WNK2: variants seen among roughly 807,000 people sequenced by gnomAD.
WNK2 encodes the protein WNK lysine deficient protein kinase 2.
WNK2 carries 67 observed loss-of-function variants against 192.1 expected under a neutral mutation model. That is an observed-to-expected ratio of 0.35 (90% CI 0.29 to 0.43). The LOEUF is 0.43. Among genes scored for constraint, WNK2 ranks in the 20% least tolerant of loss-of-function variants. The pLI is 1.00. For synonymous variants in WNK2, 1,439 were observed against 1,393.9 expected (o/e 1.03, Z -0.72); for missense variants, 2,698 against 3,089.7 (o/e 0.87, Z 3.01).
chr9:93,279,359 T>C (rs1049930844), intron 19 of WNK2, among the ~76,000 whole-genome samples: 1 of 152,252 alleles, frequency 6.6e-6, no homozygotes, highest in African/African-American at 2.4e-5. Context: ...GTATGGATTA[T>C]TTAGGGTTAA....
chr9:93,275,524 G>T (rs1846706274), intron 19 of WNK2, among the ~76,000 whole-genome samples: 1 of 152,154 alleles, frequency 6.6e-6, no homozygotes, highest in Non-Finnish European at 1.5e-5. Context: ...TAGACCAAAT[G>T]TGTTCTCCCT....
At chr9:93,219,408 G>A (rs1211118396) in intron 2 of WNK2, among the ~76,000 whole-genome samples, 3 of 152,256 alleles carry the variant, frequency 2.0e-5, no homozygotes, top group Non-Finnish European at 4.4e-5. Flanking sequence ...TCTGACCACA[G>A]TAGGGATACC....
At chr9:93,236,567 A>G in intron 5 of WNK2, among the ~76,000 whole-genome samples, 1 of 152,214 alleles carries the variant, frequency 6.6e-6, no homozygotes, top group East Asian at 1.9e-4. Context: ...CTCCACTTCC[A>G]ACACAAAACA....
intron 8 of WNK2, among the ~76,000 whole-genome samples, chr9:93,250,323 AC>A (rs1252298327): frequency 1.3e-5 from 2 of 152,104 alleles, no homozygotes; most frequent in African/African-American, 2.4e-5. Flanking sequence ...ACATGTGAAC[AC>A]CCCCACAAAT....
chr9:93,186,091 G>A (rs1829274938), intron 2 of WNK2, among the ~76,000 whole-genome samples: 1 of 150,046 alleles, frequency 6.7e-6, no homozygotes, highest in African/African-American at 2.5e-5. Flanking sequence ...ACTTTCCTGT[G>A]TCCAGCAAGC....
chr9:93,259,467 A>T lies in WNK2; in HGVS notation c.2919A>T (p.Thr973=). 1 of 1,020,922 alleles carries T rather than the reference A, an allele frequency of 9.8e-7. No homozygotes were observed. Among genetic ancestry groups the T allele is most frequent in the Non-Finnish European group, 1.3e-6 (1 of 790,472 alleles). The allele number at this position is 1,020,922 out of a possible 1,614,324, so 63.2% of individuals were successfully genotyped here. Residue 973 remains threonine (T), a synonymous_variant, in exon 12 of 30, where the codon ACA becomes ACT. Coordinates refer to ENST00000427277, the MANE Select transcript of WNK2 (RefSeq NM_006648.4). The surrounding 1 kb of genome is among the most constrained non-coding windows in gnomAD (Gnocchi z 4.8). ...PPQPVLPPQP[T]RPPQPVLPPQ... is the part of the protein sequence containing the mutation. ...AACCTGTGTTGCCCCCGCAACCCAC[A>T]CGGCCCCCTCAACCTGTGCTGCCCC...
chr9:93,228,363 G>A (rs887404611), intron 2 of WNK2, among the ~76,000 whole-genome samples: 27 of 152,130 alleles, frequency 1.8e-4, no homozygotes, highest in African/African-American at 6.0e-4. Flanking sequence ...GGGCCTTTCC[G>A]GAAGGATCCA....
At chr9:93,190,038 A>T (rs1244885036) in intron 2 of WNK2, among the ~76,000 whole-genome samples, 1 of 152,160 alleles carries the variant, frequency 6.6e-6, no homozygotes, top group East Asian at 1.9e-4. Flanking sequence ...TGAAGTGCTT[A>T]ATTTTATTGG....
intron 23 of WNK2, among the ~76,000 whole-genome samples, chr9:93,293,376 G>A (rs1420552929): frequency 6.6e-6 from 1 of 150,698 alleles, no homozygotes; most frequent in Non-Finnish European, 1.5e-5. Context: ...CTGGAGTGCA[G>A]TGGTGCAATC....
In WNK2 at chr9:93,289,344, C is replaced by G; in HGVS notation, c.4590C>G (p.Ala1530=). The part of the protein sequence containing the change: ...GPTVPPQPPS[A]LESDGEGPPP... ...CCGTCCCCCCACAGCCACCCTCGGCCCTGGAGTCGGATGGGGAAGGGCCGC... is the reference window on the plus strand; with the variant it reads ...CCGTCCCCCCACAGCCACCCTCGGCGCTGGAGTCGGATGGGGAAGGGCCGC... Residue 1530 remains alanine (A), a synonymous_variant, in exon 20 of 30, where the codon GCC becomes GCG. Coordinates refer to ENST00000427277, the MANE Select transcript of WNK2 (RefSeq NM_006648.4). The G allele has an allele frequency of 3.1e-6, 5 of 1,608,858 alleles. No homozygotes were observed. Among genetic ancestry groups the G allele is most frequent in the Non-Finnish European group, 3.4e-6 (4 of 1,178,090 alleles).
At chr9:93,201,828 G>T (rs1339198938) in intron 2 of WNK2, among the ~76,000 whole-genome samples, 1 of 152,264 alleles carries the variant, frequency 6.6e-6, no homozygotes, top group Non-Finnish European at 1.5e-5. Flanking sequence ...TCCCCGAGGG[G>T]AGCGAGATGG....
intron 28 of WNK2, among the ~76,000 whole-genome samples, chr9:93,314,662 C>T (rs1854293293): frequency 1.3e-5 from 2 of 152,182 alleles, no homozygotes; most frequent in Non-Finnish European, 2.9e-5. Flanking sequence ...GGGAATTTAA[C>T]CATGGCCATG....
intron 28 of WNK2, among the ~76,000 whole-genome samples, chr9:93,313,657 T>C (rs1167108578): frequency 6.6e-6 from 1 of 152,210 alleles, no homozygotes; most frequent in Non-Finnish European, 1.5e-5. Flanking sequence ...CATATTCTTA[T>C]ATTTTCATAT....
chr9:93,198,359 G>A (rs1233192016), intron 2 of WNK2, among the ~76,000 whole-genome samples: 1 of 152,240 alleles, frequency 6.6e-6, no homozygotes, highest in Non-Finnish European at 1.5e-5. Context: ...GGCGGGGCTT[G>A]CTGGCAGGAG....
chr9:93,209,941 C>T (rs773204385), intron 2 of WNK2, among the ~76,000 whole-genome samples: 2 of 152,118 alleles, frequency 1.3e-5, no homozygotes, highest in Non-Finnish European at 2.9e-5. Context: ...GAGCCCCACG[C>T]CTGTGGGCAC....
intron 4 of WNK2, among the ~76,000 whole-genome samples, chr9:93,233,775 A>T (rs1019754719): frequency 6.6e-6 from 1 of 151,980 alleles, no homozygotes; most frequent in Non-Finnish European, 1.5e-5. Context: ...TTTAAAATGC[A>T]CTAATTAGTT....
chr9:93,208,599 G>A (rs1236723572), intron 2 of WNK2, among the ~76,000 whole-genome samples: 3 of 48,222 alleles, frequency 6.2e-5, no homozygotes, highest in East Asian at 6.6e-4. Flanking sequence ...TCATGTATTC[G>A]TGTCCTGTGT....
At chr9:93,235,981 C>T (rs1353380449) in intron 5 of WNK2, among the ~76,000 whole-genome samples, 1 of 152,180 alleles carries the variant, frequency 6.6e-6, no homozygotes, top group African/African-American at 2.4e-5. Flanking sequence ...CTCCTGTGTG[C>T]CCCTGAGGAA....
At chr9:93,195,786 T>G (rs1587787282) in intron 2 of WNK2, among the ~76,000 whole-genome samples, 1 of 152,044 alleles carries the variant, frequency 6.6e-6, no homozygotes, top group Non-Finnish European at 1.5e-5. Flanking sequence ...GCTTTTATTT[T>G]TGAATAGGAC....
Sources: allele counts gnomAD v4.1 joint callset (sites outside exome capture counted in the v4.1 genomes callset), GRCh38; gene constraint gnomAD v4.1.1; non-coding constraint Gnocchi (gnomAD v3.1); transcripts MANE v1.5; gene names NCBI Gene and HGNC (gene_info 2026-07-23, HGNC 2026-07-21).